MGAT5: variants seen among roughly 807,000 people sequenced by gnomAD.
MGAT5 encodes alpha-1,6-mannosylglycoprotein 6-beta-N-acetylglucosaminyltransferase A.
MGAT5 carries 30 observed loss-of-function variants against 94.3 expected under a neutral mutation model. That is an observed-to-expected ratio of 0.32 (90% CI 0.24 to 0.43). The LOEUF (loss-of-function observed/expected upper bound fraction) is 0.43. Among genes scored for constraint, MGAT5 ranks in the 20% least tolerant of loss-of-function variants. MGAT5 has a pLI of 1.00. For synonymous variants in MGAT5, 310 were observed against 322.9 expected (o/e 0.96, Z 0.43); for missense variants, 691 against 905.5 (o/e 0.76, Z 3.04).
At position 134,130,555 on chromosome 2, in the gene MGAT5, G is replaced by A. The variant is rs189147693; in HGVS notation, c.-143+10264G>A. On this transcript the variant is annotated intron_variant, in intron 1 of 16. Transcript: ENST00000409645. Reference sequence around the variant, plus strand: ...CAATCAGCACTCTGTGTCTGGCTCCGGGGTTTGTGGATGCACCAATCAGCA... The same window carrying A: ...CAATCAGCACTCTGTGTCTGGCTCCAGGGTTTGTGGATGCACCAATCAGCA... Among the ~76,000 whole-genome samples, 19 of 151,606 alleles carry A rather than the reference G, an allele frequency of 1.3e-4. 1 individual carries two copies. The highest frequency in any genetic ancestry group is 2.0e-4 in the Admixed American group (3 of 15,248).
intron 2 of MGAT5, among the ~76,000 whole-genome samples, chr2:134,293,631 G>A (rs754271964): frequency 1.3e-5 from 2 of 152,062 alleles, no homozygotes; most frequent in Non-Finnish European, 2.9e-5. Flanking sequence ...ACCATGCCTG[G>A]CTAATTTTTT....
At chr2:134,310,247 A>T (rs1374908071) in intron 2 of MGAT5, among the ~76,000 whole-genome samples, 1 of 152,194 alleles carries the variant, frequency 6.6e-6, no homozygotes, top group Non-Finnish European at 1.5e-5. Flanking sequence ...CAGAACATGA[A>T]GATGATGATG....
At position 134,296,938 on chromosome 2, in the gene MGAT5, C is replaced by A. The variant is rs563033019; in HGVS notation, c.407-20591C>A. ...TGAAGGTGGGGTGGAGTGGCTCATA[C>A]CTGTAATTCTAGCACTTTGGGAGGC... On this transcript the variant is annotated intron_variant, in intron 2 of 15. Coordinates refer to ENST00000281923, the MANE Select transcript of MGAT5 (RefSeq NM_002410.5). Among the ~76,000 whole-genome samples, 6 of 152,148 alleles carry A rather than the reference C, an allele frequency of 3.9e-5. No homozygotes were observed. In the East Asian group the frequency reaches 1.2e-3, roughly 29 times the overall value.
In MGAT5 at chr2:134,449,145, A is replaced by C; in HGVS notation, c.*298A>C. ...GTCACTGCAGCTGCTCCAGGGCAAA[A>C]GAAAGTCTCAAGAGTCCTTTAAAAC... On this transcript the variant is annotated 3_prime_UTR_variant, in exon 16 of 16. Transcript: ENST00000281923. 2.4e-6 allele frequency: 1 copy of C among 417,358 alleles called. No individual in the cohort carries two copies. Among genetic ancestry groups the C allele is most frequent in the South Asian group, 2.7e-5 (1 of 37,034 alleles). 25.9% of individuals were successfully genotyped at this position (417,358 alleles called of 1,614,324 possible).
At position 134,362,187 on chromosome 2, in the gene MGAT5, G is replaced by A. The variant is rs1377413530; in HGVS notation, c.1247-88G>A. ...AAGATGAAAACAAACATTTTGTTATGGGTAAGATGGCCTGTGTTAAATATG... is the reference window on the plus strand; with the variant it reads ...AAGATGAAAACAAACATTTTGTTATAGGTAAGATGGCCTGTGTTAAATATG... On this transcript the variant is annotated intron_variant, in intron 9 of 15. Coordinates refer to ENST00000281923, the MANE Select transcript of MGAT5 (RefSeq NM_002410.5). 2.7e-6 allele frequency: 4 copies of A among 1,474,100 alleles called. No homozygotes were observed. In the African/African-American group the frequency reaches 5.6e-5, roughly 21 times the overall value. The allele number at this position is 1,474,100 out of a possible 1,614,324, so 91.3% of individuals were successfully genotyped here.
rs77603461 is a variant in MGAT5, at chr2:134,228,521, C to T, written c.-142-25741C>T. Among the ~76,000 whole-genome samples, 1,190 of 152,276 alleles carry T rather than the reference C, an allele frequency of 7.8e-3. 20 individuals are homozygous for T. The highest frequency in any genetic ancestry group is 0.027 in the African/African-American group (1,120 of 41,542). On this transcript the variant is annotated intron_variant, in intron 1 of 16. Coordinates refer to the MGAT5 transcript ENST00000409645. ...TTGATTTATGGCCTCTCAACTTCAC[C>T]CCTTTTTCTTGCTCTGTGAAAATGG...
chr2:134,396,310 C>T (rs1332898252), intron 10 of MGAT5, among the ~76,000 whole-genome samples: 1 of 152,154 alleles, frequency 6.6e-6, no homozygotes, highest in African/African-American at 2.4e-5. Context: ...GGCTACACTG[C>T]TGAAATTCAC....
chr2:134,314,867 G>A (rs1686909104), intron 2 of MGAT5, among the ~76,000 whole-genome samples: 1 of 152,214 alleles, frequency 6.6e-6, no homozygotes, highest in Admixed American at 6.5e-5. Flanking sequence ...AGCAACAGGG[G>A]GGTCTGTGCC....
chr2:134,131,449 T>C (rs1162810075), intron 1 of MGAT5, among the ~76,000 whole-genome samples: 3 of 152,152 alleles, frequency 2.0e-5, no homozygotes, highest in African/African-American at 7.2e-5. Flanking sequence ...TTTTCTGCCT[T>C]ACAAGCGATA....
intron 1 of MGAT5, among the ~76,000 whole-genome samples, chr2:134,167,837 C>A (rs1688029846): frequency 1.3e-5 from 2 of 152,332 alleles, no homozygotes; most frequent in Non-Finnish European, 2.9e-5. Flanking sequence ...ACTATTATCT[C>A]TGTAATCCAA....
At chr2:134,301,315 T>C (rs895314837) in intron 2 of MGAT5, among the ~76,000 whole-genome samples, 7 of 152,320 alleles carry the variant, frequency 4.6e-5, no homozygotes, top group Admixed American at 2.0e-4. Flanking sequence ...TGAGCTGTTA[T>C]GAATAATGCT....
intron 1 of MGAT5, among the ~76,000 whole-genome samples, chr2:134,269,166 C>T (rs935272011): frequency 1.3e-5 from 2 of 152,132 alleles, no homozygotes; most frequent in African/African-American, 4.8e-5. Context: ...GTTTATTTGG[C>T]TCAAGATTCT....
intron 1 of MGAT5, among the ~76,000 whole-genome samples, chr2:134,152,307 C>T (rs1318587985): frequency 1.0e-5 from 1 of 99,030 alleles, no homozygotes; most frequent in Non-Finnish European, 2.3e-5. Flanking sequence ...ATGGGACCCG[C>T]TTATCACTCA....
intron 5 of MGAT5, among the ~76,000 whole-genome samples, chr2:134,336,705 T>C (rs1282630868): frequency 6.6e-6 from 1 of 152,098 alleles, no homozygotes; most frequent in Non-Finnish European, 1.5e-5. Context: ...ATTTAAATGA[T>C]GAGTGAGTTT....
intron 10 of MGAT5, among the ~76,000 whole-genome samples, chr2:134,385,338 C>T (rs16830537): frequency 0.029 from 4,483 of 152,248 alleles, 253 homozygotes; most frequent in East Asian, 0.17. Flanking sequence ...GCAAAACCTG[C>T]CTCATAATAA....
chr2:134,123,595 G>T (rs1685713209), intron 1 of MGAT5, among the ~76,000 whole-genome samples: 1 of 152,182 alleles, frequency 6.6e-6, no homozygotes, highest in Non-Finnish European at 1.5e-5. Context: ...GTGGTTGGGG[G>T]TGGCATTCTG....
At chr2:134,226,639 C>T (rs927720224) in intron 1 of MGAT5, among the ~76,000 whole-genome samples, 1 of 152,118 alleles carries the variant, frequency 6.6e-6, no homozygotes, top group Non-Finnish European at 1.5e-5. Flanking sequence ...AAGAATGAAA[C>T]GAGCTAGTGT....
At chr2:134,234,482 A>C (rs1329608121) in intron 1 of MGAT5, among the ~76,000 whole-genome samples, 1 of 152,270 alleles carries the variant, frequency 6.6e-6, no homozygotes, top group African/African-American at 2.4e-5. Context: ...GGGTCCATAC[A>C]TAAGACACAG....
At chr2:134,414,607 A>AT (rs36110473) in intron 12 of MGAT5, among the ~76,000 whole-genome samples, 21,170 of 152,104 alleles carry the variant, frequency 0.14, 1,996 homozygotes, top group East Asian at 0.29. Context: ...TTAAATAGAT[A>AT]TTTTTTTCAT....
Sources: gnomAD v4.1 joint callset for allele counts (sites outside exome capture counted in the v4.1 genomes callset) on GRCh38, gnomAD v4.1.1 for gene constraint, MANE v1.5 for transcripts, NCBI Gene and HGNC (gene_info 2026-07-23, HGNC 2026-07-21) for gene names.